The following LRRC28 variants were observed in gnomAD, a reference collection of about 807,000 sequenced individuals.
LRRC28 encodes leucine rich repeat containing 28, also known as leucine-rich repeat-containing protein 28.
A neutral mutation model predicts 45.7 loss-of-function variants in LRRC28; 39 were observed. The ratio of observed to expected loss-of-function variants is 0.85; its 90% CI spans 0.66 to 1.12. LRRC28 has a LOEUF of 1.12. Among genes scored for constraint, LRRC28 ranks in the 50% most tolerant of loss-of-function variants. The pLI is 0.00. For synonymous variants in LRRC28, 206 were observed against 178.8 expected (o/e 1.15, Z -1.22); for missense variants, 435 against 438.5 (o/e 0.99, Z 0.07).
intron 5 of LRRC28, among the ~76,000 whole-genome samples, chr15:99,329,504 G>C (rs1321891744): frequency 6.6e-6 from 1 of 152,172 alleles, no homozygotes; most frequent in Non-Finnish European, 1.5e-5. Context: ...GGTATAAATT[G>C]TGTAAAAATT....
intron 6 of LRRC28, among the ~76,000 whole-genome samples, chr15:99,346,977 G>A (rs933721081): frequency 1.3e-5 from 2 of 152,116 alleles, no homozygotes; most frequent in African/African-American, 4.8e-5. Flanking sequence ...AGTGGTTACT[G>A]TAGACAAACA....
chr15:99,274,566 C>T (rs1312998288), intron 2 of LRRC28, among the ~76,000 whole-genome samples: 1 of 152,168 alleles, frequency 6.6e-6, no homozygotes, highest in Non-Finnish European at 1.5e-5. Context: ...CTGCACACAG[C>T]AGATCTTAAA....
intron 6 of LRRC28, among the ~76,000 whole-genome samples, chr15:99,341,216 G>T (rs908810021): frequency 6.7e-5 from 10 of 149,812 alleles, no homozygotes; most frequent in East Asian, 6.0e-4. Context: ...TCAGCCTCCC[G>T]AGTAGCTGGG....
intron 2 of LRRC28, among the ~76,000 whole-genome samples, chr15:99,264,885 A>T (rs767147307): frequency 2.0e-5 from 3 of 152,218 alleles, no homozygotes; most frequent in Non-Finnish European, 4.4e-5. Flanking sequence ...GCTCCAGAGT[A>T]CACATGGAAG....
Position 99,284,763 on chromosome 15 carries a change from A to C in LRRC28, c.210-2494A>C, listed in dbSNP as rs1263259572. The C allele has an allele frequency of 5.7e-6, 3 of 528,602 alleles. No homozygotes were observed. The Admixed American group carries it at 5.8e-5, about 10-fold the overall frequency. The allele number at this position is 528,602 out of a possible 1,614,324, so 32.7% of individuals were successfully genotyped here. ...CCATTGTCCTCCCTTCATGGGTTCA[A>C]AATTTGAAGACTGACTATTGCAATT... On this transcript the variant is annotated intron_variant, in intron 3 of 9. Coordinates refer to ENST00000301981, the MANE Select transcript of LRRC28 (RefSeq NM_144598.5).
In LRRC28 at chr15:99,311,001, G is replaced by A. The variant is rs373493229; in HGVS notation, c.386-22922G>A. Among the ~76,000 whole-genome samples, 34 of 152,266 alleles carry A rather than the reference G, an allele frequency of 2.2e-4. No homozygotes were observed. In the South Asian group the frequency reaches 5.8e-3, roughly 26 times the overall value. ...CAAAAAACCACAGTGAGTAATGCAC[G>A]TAGGTCTTGGCCCTGTGTGGGTCAT... is the stretch of plus-strand genomic sequence containing the variant. On this transcript the variant is annotated intron_variant, in intron 5 of 9. Coordinates refer to ENST00000301981, the MANE Select transcript of LRRC28 (RefSeq NM_144598.5).
chr15:99,309,130 A>G (rs1352328946), intron 5 of LRRC28, among the ~76,000 whole-genome samples: 2 of 152,208 alleles, frequency 1.3e-5, no homozygotes, highest in African/African-American at 2.4e-5. Context: ...TTTTGCTGCC[A>G]TGAGTAAATA....
At chr15:99,310,847 G>A (rs72758817) in intron 5 of LRRC28, among the ~76,000 whole-genome samples, 2,717 of 152,272 alleles carry the variant, frequency 0.018, 35 homozygotes, top group South Asian at 0.031. Context: ...TTCTCCAACA[G>A]TTTGATTTTC....
intron 5 of LRRC28, among the ~76,000 whole-genome samples, chr15:99,308,889 A>G (rs374070581): frequency 6.6e-6 from 1 of 152,196 alleles, no homozygotes; most frequent in African/African-American, 2.4e-5. Context: ...CTGCAGTCTC[A>G]TCTGAGGCTC....
At position 99,255,925 on chromosome 15, in the gene LRRC28, T is replaced by G; in HGVS notation, c.-33T>G. On this transcript the variant is annotated 5_prime_UTR_variant, in exon 2 of 10. Transcript: ENST00000301981. Reference sequence around the variant, plus strand: ...ATGGACCAATTTTGACAAGATATAGTGCTGCAGCGTGCCTGATGGGATATA... The same window carrying G: ...ATGGACCAATTTTGACAAGATATAGGGCTGCAGCGTGCCTGATGGGATATA... 1 of 1,602,840 alleles carries G rather than the reference T, an allele frequency of 6.2e-7. No homozygotes were observed. The highest frequency in any genetic ancestry group is 1.1e-5 in the South Asian group (1 of 89,242).
intron 3 of LRRC28, among the ~76,000 whole-genome samples, chr15:99,282,077 C>T (rs571943606): frequency 2.0e-5 from 3 of 151,890 alleles, no homozygotes; most frequent in Non-Finnish European, 4.4e-5. Flanking sequence ...CAGGTATGAC[C>T]CATGACCCAC....
In LRRC28 at chr15:99,387,150, TC is replaced by T. The variant is rs1211222721; in HGVS notation, c.*1051del. On this transcript the variant is annotated 3_prime_UTR_variant, in exon 10 of 10. Transcript: ENST00000301981. Reference sequence around the variant, plus strand: ...ATCTCGGCTCACTGCAAGCTCCGCCTCCCGGGTTCACGCCATTCTCCTGCCT... The same window carrying T: ...ATCTCGGCTCACTGCAAGCTCCGCCTCCGGGTTCACGCCATTCTCCTGCCT... 2 of 149,928 alleles carry T rather than the reference TC, an allele frequency of 1.3e-5. No homozygotes were observed. Among genetic ancestry groups the T allele is most frequent in the Non-Finnish European group, 3.0e-5 (2 of 67,318 alleles). The allele number at this position is 149,928 out of a possible 1,614,324, so 9.3% of individuals were successfully genotyped here.
At chr15:99,316,671 T>C (rs1254793697) in intron 5 of LRRC28, among the ~76,000 whole-genome samples, 1 of 151,598 alleles carries the variant, frequency 6.6e-6, no homozygotes, top group Non-Finnish European at 1.5e-5. Flanking sequence ...GAGAGAATTA[T>C]TGTGCAAAGA....
chr15:99,326,909 GA>G (rs1304984811), intron 5 of LRRC28, among the ~76,000 whole-genome samples: 1 of 152,104 alleles, frequency 6.6e-6, no homozygotes, highest in East Asian at 1.9e-4. Flanking sequence ...GAATGAGTTG[GA>G]AAGTTTTTCC....
At chr15:99,343,474 A>G (rs559572126) in intron 6 of LRRC28, among the ~76,000 whole-genome samples, 6 of 152,316 alleles carry the variant, frequency 3.9e-5, no homozygotes, top group African/African-American at 1.4e-4. Context: ...GAGCTTGTGC[A>G]GGACTCCTAG....
At chr15:99,303,262 T>A (rs1955049306) in intron 5 of LRRC28, among the ~76,000 whole-genome samples, 1 of 152,230 alleles carries the variant, frequency 6.6e-6, no homozygotes, top group African/African-American at 2.4e-5. Flanking sequence ...TTTTCATGTG[T>A]CTATTTGCCA....
intron 5 of LRRC28, among the ~76,000 whole-genome samples, chr15:99,295,583 A>G (rs2082242318): frequency 6.6e-6 from 1 of 152,236 alleles, no homozygotes; most frequent in African/African-American, 2.4e-5. Context: ...TAAACACTGA[A>G]TTACCATGAG....
intron 2 of LRRC28, 82 bp from the exon 3 acceptor site, chr15:99,276,494 G>T: frequency 9.0e-7 from 1 of 1,114,768 alleles, no homozygotes; most frequent in East Asian, 2.7e-5. Flanking sequence ...CCTCAAAAAG[G>T]TAGTACTTTG....
intron 2 of LRRC28, among the ~76,000 whole-genome samples, chr15:99,260,772 C>T (rs1243716048): frequency 4.6e-5 from 7 of 152,140 alleles, no homozygotes; most frequent in African/African-American, 1.7e-4. Flanking sequence ...TTTACAACTG[C>T]AATACTGCCC....
Sources: allele counts gnomAD v4.1 joint callset (sites outside exome capture counted in the v4.1 genomes callset), GRCh38; gene constraint gnomAD v4.1.1; transcripts MANE v1.5; gene names NCBI Gene and HGNC (gene_info 2026-07-23, HGNC 2026-07-21).